GRAP2: variants seen among roughly 807,000 people sequenced by gnomAD.
GRAP2 encodes the protein GRB2 related adaptor protein 2.
Under a neutral mutation model 43.5 loss-of-function variants are expected in GRAP2, and 31 were observed. The observed-to-expected ratio is 0.71, with a 90% CI of 0.54 to 0.96. The LOEUF (loss-of-function observed/expected upper bound fraction) is 0.96. Ranked by LOEUF, GRAP2 falls within the 40% of genes least tolerant of loss-of-function variation. The probability of loss-of-function intolerance (pLI) is 0.00; values close to 1 mark genes in which losing one functional copy is unlikely to be tolerated. For synonymous variants in GRAP2, 156 were observed against 164.8 expected (o/e 0.95, Z 0.41); for missense variants, 371 against 424.4 (o/e 0.87, Z 1.11).
At chr22:39,942,793 A>G (rs1479316971) in intron 1 of GRAP2, among the ~76,000 whole-genome samples, 1 of 152,220 alleles carries the variant, frequency 6.6e-6, no homozygotes, top group Admixed American at 6.5e-5. Flanking sequence ...TTGTCTCTAA[A>G]TTAATGAACT....
At position 39,959,312 on chromosome 22, in the gene GRAP2, A is replaced by T. The variant is rs1244323931; in HGVS notation, c.171-743A>T. On this transcript the variant is annotated intron_variant, in intron 3 of 7. Transcript: ENST00000344138. ...GGCTGCCACCCTGACCATTCTGCTA[A>T]AAGAGTAATTTCTCCTGTTTCTTCT... Among the ~76,000 whole-genome samples the T allele has an allele frequency of 3.3e-5, 5 of 152,224 alleles. No individual in the cohort carries two copies. The East Asian group carries it at 9.6e-4, about 29-fold the overall frequency.
chr22:39,968,284 G>T lies in GRAP2; in HGVS notation c.690+12G>T, dbSNP rs1425428504. 6.2e-7 allele frequency: 1 copy of T among 1,613,082 alleles called. No homozygotes were observed. The highest frequency in any genetic ancestry group is 8.5e-7 in the Non-Finnish European group (1 of 1,179,382). ...ACCATTTCCACCAGGTATCTGGAAA[G>T]AAGGCAGTGGGCACAGTACGGTGGA... On this transcript the variant is annotated intron_variant, in intron 6 of 7. Transcript: ENST00000344138.
intron 7 of GRAP2, 81 bp downstream of exon 7, chr22:39,969,614 C>G: frequency 6.8e-7 from 1 of 1,475,538 alleles, no homozygotes; most frequent in Non-Finnish European, 9.4e-7. Flanking sequence ...GCAGGAGAGA[C>G]TCAAACCACA....
intron 5 of GRAP2, among the ~76,000 whole-genome samples, chr22:39,967,015 C>G (rs899765503): frequency 4.1e-5 from 6 of 145,746 alleles, no homozygotes; most frequent in Admixed American, 1.4e-4. Context: ...CACACACACA[C>G]CAATTTATGA....
At chr22:39,945,248 T>C (rs1415306114) in intron 1 of GRAP2, among the ~76,000 whole-genome samples, 1 of 152,154 alleles carries the variant, frequency 6.6e-6, no homozygotes. Context: ...ACTCAAAGAG[T>C]TAACTGTGAC....
At position 39,970,908 on chromosome 22, in the gene GRAP2, G is replaced by C. The variant is rs544908309; in HGVS notation, c.817G>C (p.Val273Leu). 6.2e-7 allele frequency: 1 copy of C among 1,601,072 alleles called. No homozygotes were observed. The highest frequency in any genetic ancestry group is 1.8e-5 in the Admixed American group (1 of 56,932). Reference protein sequence around the residue: ...DPVQLQAAGRVRWARALYDFE... With the variant: ...DPVQLQAAGRLRWARALYDFE... ...TCTTCTGTGCTTCCCCCAACAGCGAGTGCGGTGGGCCCGGGCGCTGTATGA... is the reference window on the plus strand; with the variant it reads ...TCTTCTGTGCTTCCCCCAACAGCGACTGCGGTGGGCCCGGGCGCTGTATGA... Residue 273 changes from valine to leucine, a missense_variant, in exon 8 of 8, where the codon GTG becomes CTG. Transcript: ENST00000344138.
intron 1 of GRAP2, among the ~76,000 whole-genome samples, chr22:39,946,264 C>T (rs2066921543): frequency 6.6e-6 from 1 of 152,140 alleles, no homozygotes; most frequent in Non-Finnish European, 1.5e-5. Context: ...ATTACTTGCC[C>T]AAGAGTCTAC....
intron 1 of GRAP2, among the ~76,000 whole-genome samples, chr22:39,939,336 GCA>G (rs1403651276): frequency 1.3e-5 from 2 of 152,162 alleles, no homozygotes; most frequent in African/African-American, 4.8e-5. Flanking sequence ...GCCGAGGCAG[GCA>G]GATCACAAGG....
At chr22:39,936,807 C>G (rs530545666) in intron 1 of GRAP2, among the ~76,000 whole-genome samples, 1 of 152,128 alleles carries the variant, frequency 6.6e-6, no homozygotes, top group Non-Finnish European at 1.5e-5. Context: ...TGCCTTAAAG[C>G]GCATGATTGC....
At chr22:39,963,194 C>T (rs2145671582) in intron 4 of GRAP2, among the ~76,000 whole-genome samples, 1 of 152,238 alleles carries the variant, frequency 6.6e-6, no homozygotes, top group East Asian at 1.9e-4. Context: ...TAATTAAGAG[C>T]TAATTGTAGT....
At chr22:39,953,491 C>G (rs2067012328) in intron 2 of GRAP2, among the ~76,000 whole-genome samples, 1 of 152,194 alleles carries the variant, frequency 6.6e-6, no homozygotes, top group Admixed American at 6.5e-5. Flanking sequence ...TCCTCTTAGC[C>G]TAGGCCCTAT....
At chr22:39,964,091 C>T in intron 4 of GRAP2, 1 of 335,802 alleles carries the variant, frequency 3.0e-6, no homozygotes, top group Non-Finnish European at 5.4e-6. Flanking sequence ...CTTTCTTTTA[C>T]ATCAGGCAAT....
At chr22:39,910,093 C>T (rs987592636) in intron 1 of GRAP2, among the ~76,000 whole-genome samples, 13 of 152,184 alleles carry the variant, frequency 8.5e-5, no homozygotes, top group Admixed American at 6.5e-4. Flanking sequence ...GTAACCACTC[C>T]TCCTATGAGG....
Position 39,905,145 on chromosome 22 carries a change from G to C in GRAP2, c.-15+3815G>C, listed in dbSNP as rs147526575. Among the ~76,000 whole-genome samples the C allele has an allele frequency of 1.1e-4, 16 of 152,204 alleles. No individual in the cohort carries two copies. In the East Asian group the frequency reaches 3.1e-3, roughly 29 times the overall value. On this transcript the variant is annotated intron_variant, in intron 1 of 7. Coordinates refer to ENST00000344138, the MANE Select transcript of GRAP2 (RefSeq NM_004810.4). Reference sequence around the variant, plus strand: ...CTTTGCAATTAGCGAGTACTCTCAGGGGGTATCTCAAAGTGTATCTCATAA... The same window carrying C: ...CTTTGCAATTAGCGAGTACTCTCAGCGGGTATCTCAAAGTGTATCTCATAA...
chr22:39,921,899 G>A (rs1457737810), intron 1 of GRAP2, among the ~76,000 whole-genome samples: 4 of 152,104 alleles, frequency 2.6e-5, no homozygotes, highest in African/African-American at 9.7e-5. Flanking sequence ...TCGAACTCCT[G>A]GGCTCAAGCA....
At chr22:39,952,016 G>A (rs1028616057) in intron 2 of GRAP2, among the ~76,000 whole-genome samples, 7 of 149,386 alleles carry the variant, frequency 4.7e-5, no homozygotes, top group Non-Finnish European at 8.9e-5. Flanking sequence ...TACAAAGTGT[G>A]TGGTTTTTTT....
intron 3 of GRAP2, among the ~76,000 whole-genome samples, chr22:39,958,173 G>A (rs1355141762): frequency 6.6e-6 from 1 of 152,194 alleles, no homozygotes; most frequent in Middle Eastern, 3.4e-3. Flanking sequence ...TTTGGCTCCA[G>A]GACGTCCTTC....
At chr22:39,937,319 G>C (rs1311713503) in intron 1 of GRAP2, among the ~76,000 whole-genome samples, 1 of 152,096 alleles carries the variant, frequency 6.6e-6, no homozygotes, top group South Asian at 2.1e-4. Context: ...GTAGAAGCCT[G>C]GTCAGTTTTC....
chr22:39,956,829 CG>C (rs1231073567), intron 3 of GRAP2, among the ~76,000 whole-genome samples: 1 of 152,188 alleles, frequency 6.6e-6, no homozygotes, highest in African/African-American at 2.4e-5. Context: ...ATTTCAATCA[CG>C]GCGTTCCCCA....
Sources: allele counts gnomAD v4.1 joint callset (sites outside exome capture counted in the v4.1 genomes callset), GRCh38; gene constraint gnomAD v4.1.1; transcripts MANE v1.5; gene names NCBI Gene and HGNC (gene_info 2026-07-23, HGNC 2026-07-21).